Variants in MASP1 observed in about 807,000 individuals in gnomAD.
The protein encoded by MASP1 is mannan-binding lectin serine protease 1.
A neutral mutation model predicts 77.1 loss-of-function variants in MASP1; 59 were observed. The ratio of observed to expected loss-of-function variants is 0.77; its 90% CI spans 0.62 to 0.95. The LOEUF is 0.95. Among genes scored for constraint, MASP1 ranks in the 40% least tolerant of loss-of-function variants. MASP1 has a pLI of 0.00. For synonymous variants in MASP1, 362 were observed against 354.5 expected (o/e 1.02, Z -0.24); for missense variants, 885 against 912.9 (o/e 0.97, Z 0.39).
intron 5 of MASP1, among the ~76,000 whole-genome samples, chr3:187,255,497 G>A (rs1242687982): frequency 1.3e-5 from 2 of 152,222 alleles, no homozygotes; most frequent in East Asian, 1.9e-4. Flanking sequence ...TGTGCTCACT[G>A]GGATTTCTGA....
At chr3:187,224,851 C>G (rs78415467) in intron 13 of MASP1, among the ~76,000 whole-genome samples, 1 of 152,202 alleles carries the variant, frequency 6.6e-6, no homozygotes, top group African/African-American at 2.4e-5. Flanking sequence ...CCAGTAGTGG[C>G]CATTGTTTCC....
rs140155368 is a variant in MASP1, at chr3:187,237,201, T to G, written c.1304-634A>C. 5.1e-3 allele frequency among the ~76,000 whole-genome samples: 776 copies of G among 152,358 alleles called. 4 individuals carry two copies. The highest frequency in any genetic ancestry group is 8.1e-3 in the South Asian group (39 of 4,830). ...ATTTGGTCACAATGATCTCCAGGGA[T>G]CCTTCAAATTCCAGAGATCCTTTAA... is the stretch of plus-strand genomic sequence containing the variant. On this transcript the variant is annotated intron_variant, in intron 10 of 10. Coordinates refer to ENST00000296280, the MANE Select transcript of MASP1 (RefSeq NM_139125.4).
At chr3:187,277,952 G>T (rs944311495) in intron 2 of MASP1, among the ~76,000 whole-genome samples, 5 of 152,158 alleles carry the variant, frequency 3.3e-5, no homozygotes, top group Non-Finnish European at 7.3e-5. Context: ...GTCAGTGGTA[G>T]GGTCAGAGTT....
chr3:187,235,803 C>G lies in MASP1; in HGVS notation c.2068G>C (p.Glu690Gln). 1 of 1,614,198 alleles carries G rather than the reference C, an allele frequency of 6.2e-7. No individual in the cohort carries two copies. Among genetic ancestry groups the G allele is most frequent in the Non-Finnish European group, 8.5e-7 (1 of 1,180,026 alleles). The change falls in exon 11 of 11, where the codon GAA (glutamate) becomes CAA (glutamine). Residue 690 changes from glutamate (E) to glutamine (Q), a missense_variant. Transcript: ENST00000296280. ...TAGACCTGCTTGCTGCCGCATTCTT[C>G]AGGTCCCCCCCAGGACACCAGGCCT... is the stretch of plus-strand genomic sequence containing the variant. ...VQGLVSWGGP[E>Q]ECGSKQVYGV...
At chr3:187,248,494 T>G (rs889998366) in intron 8 of MASP1, among the ~76,000 whole-genome samples, 2 of 152,192 alleles carry the variant, frequency 1.3e-5, no homozygotes, top group Non-Finnish European at 2.9e-5. Flanking sequence ...TGCATTTGTA[T>G]CTAGAACTTC....
At chr3:187,222,663 C>T (rs990372399) in intron 14 of MASP1, among the ~76,000 whole-genome samples, 1 of 150,592 alleles carries the variant, frequency 6.6e-6, no homozygotes, top group African/African-American at 2.5e-5. Flanking sequence ...ACTATGGCTC[C>T]TTACTTTTAG....
chr3:187,290,144 G>A (rs1242078458), intron 1 of MASP1, among the ~76,000 whole-genome samples: 1 of 152,210 alleles, frequency 6.6e-6, no homozygotes, highest in Non-Finnish European at 1.5e-5. Context: ...GTAAGGGGAG[G>A]TGGACATTTA....
intron 2 of MASP1, among the ~76,000 whole-genome samples, chr3:187,275,737 G>A (rs903775360): frequency 6.6e-6 from 1 of 152,080 alleles, no homozygotes; most frequent in Non-Finnish European, 1.5e-5. Context: ...CTATCTGAAT[G>A]TCGAATGATA....
intron 4 of MASP1, among the ~76,000 whole-genome samples, chr3:187,257,189 G>A (rs1715163161): frequency 6.6e-6 from 1 of 151,942 alleles, no homozygotes; most frequent in African/African-American, 2.4e-5. Flanking sequence ...GGGGATGCCT[G>A]GACCTCTGTG....
At chr3:187,241,677 T>G (rs1193461824) in intron 9 of MASP1, 122 bp from the exon 10 acceptor site, 1 of 722,218 alleles carries the variant, frequency 1.4e-6, no homozygotes, top group African/African-American at 1.7e-5. Flanking sequence ...CAAATGGTCA[T>G]CTAGGCTCAG....
chr3:187,221,554 C>A (rs899986741), intron 14 of MASP1, among the ~76,000 whole-genome samples: 4 of 152,144 alleles, frequency 2.6e-5, no homozygotes, highest in African/African-American at 9.7e-5. Context: ...ACTCTGAGAC[C>A]CTTTTTCCTC....
chr3:187,229,783 G>T, downstream of MASP1: 2 of 1,614,176 alleles, frequency 1.2e-6, no homozygotes, highest in Non-Finnish European at 1.7e-6. Context: ...TCCGCAGAAG[G>T]GCTGCCCATT....
In MASP1 at chr3:187,235,458, AG is replaced by A; in HGVS notation, c.*225del. The A allele has an allele frequency of 6.6e-7, 1 of 1,516,288 alleles. No individual in the cohort carries two copies. Among genetic ancestry groups the A allele is most frequent in the Non-Finnish European group, 8.8e-7 (1 of 1,135,740 alleles). The allele number at this position is 1,516,288 out of a possible 1,614,324, so 93.9% of individuals were successfully genotyped here. On this transcript the variant is annotated 3_prime_UTR_variant, in exon 11 of 11. Transcript: ENST00000296280. The stretch of plus-strand genomic sequence containing the variant: ...TTACTCGGTAGAGTGAGGCCCAGAC[AG>A]GGAAAGAGACTTGGACAAGCTCAGG...
At chr3:187,261,254 T>C (rs1401270558) in intron 3 of MASP1, among the ~76,000 whole-genome samples, 2 of 152,184 alleles carry the variant, frequency 1.3e-5, no homozygotes, top group African/African-American at 2.4e-5. Context: ...AATGGCGACA[T>C]AGAGGCATTA....
At position 187,256,795 on chromosome 3, in the gene MASP1, G is replaced by C; in HGVS notation, c.613C>G (p.Pro205Ala). ...AGGCATTCAGAGCTCTTGGGGTAAG[G>C]GTTTGGGAAGTCAGGGCTGGTGATC... is the stretch of plus-strand genomic sequence containing the variant. ...GVITSPDFPN[P>A]YPKSSECLYT... is the part of the protein sequence containing the mutation. Residue 205 changes from proline to alanine, a missense_variant, in exon 5 of 11, where the codon CCT (proline) becomes GCT (alanine). Transcript: ENST00000296280. 4.3e-6 allele frequency: 7 copies of C among 1,613,952 alleles called. No homozygotes were observed. The highest frequency in any genetic ancestry group is 1.3e-5 in the African/African-American group (1 of 74,948).
At chr3:187,224,352 T>G (rs1560228373) in intron 13 of MASP1, among the ~76,000 whole-genome samples, 1 of 147,686 alleles carries the variant, frequency 6.8e-6, no homozygotes, top group African/African-American at 2.5e-5. Context: ...TTTTTTTTTT[T>G]TTTTTTTTTT....
chr3:187,290,072 C>T (rs1231974113), intron 1 of MASP1, among the ~76,000 whole-genome samples: 1 of 152,144 alleles, frequency 6.6e-6, no homozygotes, highest in Non-Finnish European at 1.5e-5. Context: ...AGACATTATG[C>T]TAGGTGCTGG....
chr3:187,225,456 G>A (rs140992359), exon 13 of MASP1: 2 of 1,614,180 alleles, frequency 1.2e-6, no homozygotes, highest in East Asian at 2.2e-5. Context: ...AGAGTGGTGT[G>A]TTTGACGCCG....
rs1188705105 is a variant in MASP1, at chr3:187,223,225, G to A, written c.1742-31C>T. The A allele has an allele frequency of 9.5e-6, 15 of 1,578,240 alleles. 1 individual carries two copies. In the African/African-American group the frequency reaches 1.5e-4, roughly 16 times the overall value. ...GGAGAGAAGATACTGTGAGAACAGA[G>A]AAGCTATCTGTGGGGTGTTTGGAGG... is the stretch of plus-strand genomic sequence containing the variant. On this transcript the variant is annotated intron_variant, in intron 13 of 15. Transcript: ENST00000337774.
Sources: allele counts gnomAD v4.1 joint callset (sites outside exome capture counted in the v4.1 genomes callset), GRCh38; gene constraint gnomAD v4.1.1; transcripts MANE v1.5; gene names NCBI Gene and HGNC (gene_info 2026-07-23, HGNC 2026-07-21).